POU2F3: variants seen among roughly 807,000 people sequenced by gnomAD.
POU2F3 encodes the protein POU class 2 homeobox 3, also known as POU domain, class 2, transcription factor 3.
Under a neutral mutation model 59.2 loss-of-function variants are expected in POU2F3, and 23 were observed. That is an observed-to-expected ratio of 0.39 (90% confidence interval 0.28 to 0.55). The LOEUF (loss-of-function observed/expected upper bound fraction) is 0.55, where lower values mean the gene tolerates loss of function less well. POU2F3 is among the 20% of genes least tolerant of loss of function. The pLI, the probability that POU2F3 is intolerant of heterozygous loss-of-function variation, is 0.66. For synonymous variants in POU2F3, 190 were observed against 214.6 expected (o/e 0.89, Z 1.00); for missense variants, 473 against 544.5 (o/e 0.87, Z 1.31).
At chr11:120,315,966 A>T (rs192298201) in intron 11 of POU2F3, among the ~76,000 whole-genome samples, 600 of 145,010 alleles carry the variant, frequency 4.1e-3, no homozygotes, top group Middle Eastern at 7.6e-3. Flanking sequence ...TCTGCCTCCC[A>T]GGTTCAAGCA....
rs201454286 is a variant in POU2F3 at position 120,269,178 on chromosome 11, A to G, written c.98-32A>G. ...CTTCAGCTCTTCCAAACCTGCTACC[A>G]ACTAATATACATATATTTTTATCTT... On this transcript the variant is annotated intron_variant, in intron 2 of 12. Coordinates refer to ENST00000543440, the MANE Select transcript of POU2F3 (RefSeq NM_014352.4). The G allele has an allele frequency of 2.9e-5, 45 of 1,533,856 alleles. No homozygotes were observed. In the Admixed American group the frequency reaches 7.4e-4, roughly 25 times the overall value.
chr11:120,303,953 C>T (rs1395266571), intron 6 of POU2F3: 1 of 152,196 alleles, frequency 6.6e-6, no homozygotes, highest in African/African-American at 2.4e-5. Flanking sequence ...TGATAGATGT[C>T]CTTAAGATCG....
intron 1 of POU2F3, among the ~76,000 whole-genome samples, chr11:120,244,319 G>A (rs923646194): frequency 2.0e-4 from 30 of 152,182 alleles, no homozygotes; most frequent in African/African-American, 3.6e-4. Context: ...GAAGGGAAGC[G>A]GACTAGCATC....
At chr11:120,240,578 A>C (rs1175134601) in intron 1 of POU2F3, among the ~76,000 whole-genome samples, 1 of 151,208 alleles carries the variant, frequency 6.6e-6, no homozygotes, top group Non-Finnish European at 1.5e-5. Context: ...CCTGGAAAAG[A>C]ATGAGGGTGG....
chr11:120,272,895 C>T (rs115646591), intron 3 of POU2F3, among the ~76,000 whole-genome samples: 1,455 of 136,706 alleles, frequency 0.011, 29 homozygotes, highest in African/African-American at 0.042. Flanking sequence ...TTATACAAAC[C>T]TCTTCTTTCT....
intron 2 of POU2F3, among the ~76,000 whole-genome samples, chr11:120,247,907 G>A (rs1436967209): frequency 6.6e-6 from 1 of 152,194 alleles, no homozygotes; most frequent in East Asian, 1.9e-4. Context: ...ACAGCTAAGA[G>A]AGCGTCCACA....
upstream of POU2F3, among the ~76,000 whole-genome samples, chr11:120,238,528 C>T (rs967626041): frequency 3.3e-5 from 5 of 152,042 alleles, no homozygotes; most frequent in East Asian, 1.9e-4. Context: ...GAACCTGCCA[C>T]GAAGGCTGTT....
intron 7 of POU2F3, 22 bp downstream of exon 7, chr11:120,305,234 T>G: frequency 6.2e-7 from 1 of 1,607,996 alleles, no homozygotes; most frequent in Non-Finnish European, 8.5e-7. Context: ...GGGGAAAAGA[T>G]AGAAGAAGTC....
At position 120,299,740 on chromosome 11, in the gene POU2F3, G is replaced by A. The variant is rs759518798; in HGVS notation, c.361+14G>A. 1.4e-5 allele frequency: 22 copies of A among 1,603,786 alleles called. No individual in the cohort carries two copies. Among genetic ancestry groups the A allele is most frequent in the Non-Finnish European group, 1.9e-5 (22 of 1,175,860 alleles). On this transcript the variant is annotated intron_variant, in intron 5 of 12. Transcript: ENST00000543440. ...CTGGGCAGCAAGGTAAGAACCCTGG[G>A]GGTTTCCACCTAGACCAAGTCCAGT...
chr11:120,274,536 A>G (rs1940242120), intron 3 of POU2F3, among the ~76,000 whole-genome samples: 1 of 152,218 alleles, frequency 6.6e-6, no homozygotes, highest in Admixed American at 6.5e-5. Flanking sequence ...GAGATGCTGA[A>G]CATTGGTGGA....
At chr11:120,276,754 T>C (rs1940342910) in intron 3 of POU2F3, among the ~76,000 whole-genome samples, 1 of 152,146 alleles carries the variant, frequency 6.6e-6, no homozygotes, top group Admixed American at 6.5e-5. Flanking sequence ...ATGTTGGAGA[T>C]ACGGTTTTGA....
At chr11:120,248,633 C>T (rs1477497988) in intron 2 of POU2F3, among the ~76,000 whole-genome samples, 3 of 152,158 alleles carry the variant, frequency 2.0e-5, no homozygotes, top group East Asian at 3.9e-4. Context: ...CCAAGGAGCC[C>T]GTGATGTCTG....
At position 120,302,357 on chromosome 11, in the gene POU2F3, C is replaced by G; in HGVS notation, c.433C>G (p.Leu145Val). The G allele has an allele frequency of 6.2e-7, 1 of 1,606,938 alleles. No individual in the cohort carries two copies. The highest frequency in any genetic ancestry group is 8.5e-7 in the Non-Finnish European group (1 of 1,173,450). ...GLLLPQTGPG[L>V]ASQAFGHPGL... The stretch of plus-strand genomic sequence containing the variant: ...CCTCCTCCCACAGACTGGGCCGGGA[C>G]TGGCATCCCAGGTAAACAACCCCAT... The change falls in exon 6 of 13, where the codon CTG becomes GTG. Residue 145 changes from leucine (L) to valine (V), a missense_variant. Transcript: ENST00000543440.
intron 10 of POU2F3, among the ~76,000 whole-genome samples, chr11:120,312,257 G>T (rs1400729661): frequency 1.3e-5 from 2 of 152,088 alleles, no homozygotes; most frequent in African/African-American, 2.4e-5. Context: ...CTGAGTAGCT[G>T]GGATTACAGG....
At chr11:120,263,575 AT>A (rs941472505) in intron 2 of POU2F3, among the ~76,000 whole-genome samples, 1 of 152,130 alleles carries the variant, frequency 6.6e-6, no homozygotes, top group Non-Finnish European at 1.5e-5. Flanking sequence ...ACCATACTCA[AT>A]TTTTTTCTGC....
intron 2 of POU2F3, among the ~76,000 whole-genome samples, chr11:120,266,244 C>T (rs1162823511): frequency 1.3e-5 from 2 of 152,118 alleles, no homozygotes; most frequent in Non-Finnish European, 2.9e-5. Context: ...TTTCCTCTGC[C>T]CTCCACATCC....
At chr11:120,239,973 G>A (rs545452062), upstream of POU2F3, among the ~76,000 whole-genome samples, 8 of 152,336 alleles carry the variant, frequency 5.3e-5, no homozygotes, top group South Asian at 1.7e-3. Flanking sequence ...GCAGGCAGGT[G>A]TTCCGCGGGA....
chr11:120,249,107 C>G (rs375888692), intron 2 of POU2F3, among the ~76,000 whole-genome samples: 1 of 152,174 alleles, frequency 6.6e-6, no homozygotes, highest in Non-Finnish European at 1.5e-5. Flanking sequence ...GGGCCAGACA[C>G]AGACCTCCTG....
chr11:120,280,743 C>T (rs1236879862), intron 3 of POU2F3, among the ~76,000 whole-genome samples: 1 of 152,158 alleles, frequency 6.6e-6, no homozygotes, highest in Non-Finnish European at 1.5e-5. Context: ...TCCATGTTTC[C>T]AAAGCCCTGT....
Sources: gnomAD v4.1 joint callset for allele counts (sites outside exome capture counted in the v4.1 genomes callset) on GRCh38, gnomAD v4.1.1 for gene constraint, MANE v1.5 for transcripts, NCBI Gene and HGNC (gene_info 2026-07-23, HGNC 2026-07-21) for gene names.